Variants in DRICH1 observed in about 807,000 individuals in gnomAD.
The protein encoded by DRICH1 is aspartate rich 1.
In DRICH1, 38 loss-of-function variants were observed where a neutral mutation model predicts 39.5. The observed-to-expected ratio is 0.96, with a 90% CI of 0.74 to 1.26. DRICH1 has a LOEUF of 1.26. Among genes scored for constraint, DRICH1 ranks in the 50% most tolerant of loss-of-function variants. The pLI, the probability that DRICH1 is intolerant of heterozygous loss-of-function variation, is 0.00. For synonymous variants in DRICH1, 84 were observed against 99.5 expected (o/e 0.84, Z 0.93); for missense variants, 279 against 270.4 (o/e 1.03, Z -0.22).
rs1928027212 is a variant in DRICH1, at chr22:23,625,837, C to G, written c.276+144G>C. ...AAACCGTTCTGGGTGTGTCTGCACC[C>G]AGATCTTGCAAGACCATCATTAAAA... On this transcript the variant is annotated intron_variant, in intron 2 of 11. Coordinates refer to ENST00000317749, the MANE Select transcript of DRICH1 (RefSeq NM_016449.4). 2.8e-5 allele frequency: 19 copies of G among 670,118 alleles called. No homozygotes were observed. In the South Asian group the frequency reaches 3.5e-4, roughly 12 times the overall value. 41.5% of individuals were successfully genotyped at this position (670,118 alleles called of 1,614,324 possible). A position where few individuals can be genotyped will look rare whatever the true frequency, so the allele number is the denominator to read the frequency against.
At chr22:23,628,674 A>G (rs906993503) in intron 1 of DRICH1, among the ~76,000 whole-genome samples, 1 of 152,220 alleles carries the variant, frequency 6.6e-6, no homozygotes, top group Non-Finnish European at 1.5e-5. Flanking sequence ...GTGAAAAAGA[A>G]AAAGTCATCT....
upstream of DRICH1, chr22:23,632,688 G>GGGC (rs1921033167): frequency 6.6e-6 from 1 of 152,426 alleles, no homozygotes; most frequent in African/African-American, 2.4e-5. Flanking sequence ...GGGGGGGGTG[G>GGGC]ATCACTTGAG....
the DRICH1 span, among the ~76,000 whole-genome samples, chr22:23,586,895 C>A: frequency 6.6e-6 from 1 of 152,158 alleles, no homozygotes; most frequent in Admixed American, 6.5e-5. Context: ...CCAGATGACA[C>A]CTTTTACCTT....
intron 10 of DRICH1, 94 bp downstream of exon 10, chr22:23,613,545 G>A: frequency 9.5e-7 from 1 of 1,053,382 alleles, no homozygotes; most frequent in Non-Finnish European, 1.5e-6. Flanking sequence ...AGAACCCCAA[G>A]CCTCTTTCCC....
Position 23,631,979 on chromosome 22 carries a change from C to A in DRICH1, c.45G>T (p.Trp15Cys), listed in dbSNP as rs1196275346. The change falls in exon 1 of 12, where the codon TGG (tryptophan) becomes TGT (cysteine). Residue 15 changes from tryptophan to cysteine, a missense_variant. By Grantham distance (215) the Trp-to-Cys change is radical. Coordinates refer to ENST00000317749, the MANE Select transcript of DRICH1 (RefSeq NM_016449.4). ...LTCCINSHCGWPRGKDAPCYE... is the reference protein window; with the variant it reads ...LTCCINSHCGCPRGKDAPCYE... ...AACAGGGTGCGTCCTTCCCCCTGGGCCAGCCACAGTGGGAGTTGATACAAC... is the reference window on the plus strand; with the variant it reads ...AACAGGGTGCGTCCTTCCCCCTGGGACAGCCACAGTGGGAGTTGATACAAC... The A allele has an allele frequency of 1.2e-6, 2 of 1,613,662 alleles. No individual in the cohort carries two copies.
intron 1 of DRICH1, among the ~76,000 whole-genome samples, chr22:23,628,973 GGGTCTCA>G (rs1928235970): frequency 6.6e-6 from 1 of 152,188 alleles, no homozygotes. Flanking sequence ...TACTCAGAAG[GGGTCTCA>G]GATATATGAG....
intron 2 of DRICH1, among the ~76,000 whole-genome samples, chr22:23,625,505 G>T (rs1569095602): frequency 6.6e-6 from 1 of 152,046 alleles, no homozygotes; most frequent in East Asian, 1.9e-4. Context: ...TGCCCTCACT[G>T]GAACCAAAGA....
At chr22:23,607,663 T>C (rs1164909735), downstream of DRICH1, among the ~76,000 whole-genome samples, 1 of 152,118 alleles carries the variant, frequency 6.6e-6, no homozygotes, top group Non-Finnish European at 1.5e-5. Flanking sequence ...TGGAAATGCA[T>C]GTTCCCAGGC....
the DRICH1 span, among the ~76,000 whole-genome samples, chr22:23,593,539 G>A: frequency 5.9e-5 from 9 of 152,180 alleles, no homozygotes; most frequent in African/African-American, 1.9e-4. Flanking sequence ...AGTGGCTCAC[G>A]CCTGTAATTC....
At chr22:23,623,947 T>A (rs753929296) in intron 3 of DRICH1, 2 of 619,290 alleles carry the variant, frequency 3.2e-6, no homozygotes, top group Non-Finnish European at 3.7e-6. Flanking sequence ...AACAGAATGC[T>A]GACAGTGTGC....
At chr22:23,591,922 G>C in the DRICH1 span, among the ~76,000 whole-genome samples, 1 of 152,248 alleles carries the variant, frequency 6.6e-6, no homozygotes, top group Non-Finnish European at 1.5e-5. Context: ...ATACAGCACA[G>C]GGCTGGGGGA....
chr22:23,625,906 G>A, intron 2 of DRICH1, 75 bp downstream of exon 2: 1 of 1,197,136 alleles, frequency 8.4e-7, no homozygotes, highest in Non-Finnish European at 1.2e-6. Flanking sequence ...CCATTCTTTG[G>A]GTTTAGATGG....
At chr22:23,622,358 C>T (rs572185784) in intron 3 of DRICH1, among the ~76,000 whole-genome samples, 182 bp from the exon 4 acceptor site, 1 of 152,300 alleles carries the variant, frequency 6.6e-6, no homozygotes, top group East Asian at 1.9e-4. Flanking sequence ...AGACATGAGA[C>T]ATGGAGGCCT....
the DRICH1 span, among the ~76,000 whole-genome samples, chr22:23,581,903 C>T: frequency 1.4e-5 from 2 of 146,418 alleles, no homozygotes; most frequent in Middle Eastern, 8.3e-3. Flanking sequence ...CGCGCCTGGC[C>T]CATCTTGACC....
At chr22:23,588,114 C>T in the DRICH1 span, among the ~76,000 whole-genome samples, 3 of 152,056 alleles carry the variant, frequency 2.0e-5, no homozygotes, top group Non-Finnish European at 4.4e-5. Flanking sequence ...TTGCTACTGT[C>T]CAGTTCTGGT....
intron 11 of DRICH1, among the ~76,000 whole-genome samples, chr22:23,612,416 G>C (rs559507071): frequency 2.2e-5 from 3 of 138,802 alleles, no homozygotes; most frequent in Non-Finnish European, 1.5e-5. Flanking sequence ...GCAGTGAGCC[G>C]AGATCGCACC....
chr22:23,620,227 G>T (rs1249075631), intron 5 of DRICH1, among the ~76,000 whole-genome samples: 1 of 151,948 alleles, frequency 6.6e-6, no homozygotes, highest in Non-Finnish European at 1.5e-5. Flanking sequence ...TAACATGAAG[G>T]TTCCTGGAAA....
At chr22:23,618,901 C>CGGT (rs1569091333) in intron 6 of DRICH1, among the ~76,000 whole-genome samples, 1 of 151,974 alleles carries the variant, frequency 6.6e-6, no homozygotes, top group Non-Finnish European at 1.5e-5. Context: ...TGTCCAGGCG[C>CGGT]GGTGGCTCAT....
chr22:23,622,935 G>C (rs907423556), intron 3 of DRICH1, among the ~76,000 whole-genome samples: 3 of 152,192 alleles, frequency 2.0e-5, no homozygotes, highest in African/African-American at 7.2e-5. Flanking sequence ...CTGCCATGAG[G>C]ATAAGTTTCC....
Sources: allele counts gnomAD v4.1 joint callset (sites outside exome capture counted in the v4.1 genomes callset), GRCh38; gene constraint gnomAD v4.1.1; transcripts MANE v1.5; gene names NCBI Gene and HGNC (gene_info 2026-07-23, HGNC 2026-07-21).